COL5A2: variants seen among roughly 807,000 people sequenced by gnomAD.
COL5A2 encodes collagen alpha-2(V) chain.
Under a neutral mutation model 208.2 loss-of-function variants are expected in COL5A2, and 23 were observed. The ratio of observed to expected loss-of-function variants is 0.11; its 90% CI spans 0.08 to 0.16. COL5A2 has a LOEUF of 0.16. Among genes scored for constraint, COL5A2 ranks in the 10% least tolerant of loss-of-function variants. The pLI is 1.00. For synonymous variants in COL5A2, 625 were observed against 628.5 expected (o/e 0.99, Z 0.08); for missense variants, 1,590 against 1,956.4 (o/e 0.81, Z 3.53).
the COL5A2 span, among the ~76,000 whole-genome samples, chr2:189,350,780 A>G: frequency 1.5e-4 from 23 of 152,120 alleles, no homozygotes; most frequent in Non-Finnish European, 2.2e-4. Flanking sequence ...CTGAGAAAAT[A>G]TTATTCACCA....
At chr2:189,245,160 G>C in the COL5A2 span, among the ~76,000 whole-genome samples, 17 of 152,278 alleles carry the variant, frequency 1.1e-4, no homozygotes, top group African/African-American at 3.8e-4. Context: ...ACCATATCAG[G>C]ATTCATGACA....
At chr2:189,293,372 C>T in the COL5A2 span, among the ~76,000 whole-genome samples, 2 of 152,170 alleles carry the variant, frequency 1.3e-5, no homozygotes, top group African/African-American at 4.8e-5. Context: ...GGAGTTGGTA[C>T]ATAAACATCC....
chr2:189,204,335 C>T (rs1689117709), intron 1 of COL5A2, among the ~76,000 whole-genome samples: 1 of 152,244 alleles, frequency 6.6e-6, no homozygotes, highest in Non-Finnish European at 1.5e-5. Flanking sequence ...TCAAGCAGGG[C>T]TTTGCCCAAA....
At chr2:189,395,750 A>G in the COL5A2 span, among the ~76,000 whole-genome samples, 3 of 143,596 alleles carry the variant, frequency 2.1e-5, no homozygotes, top group African/African-American at 8.7e-5. Context: ...TTAAAAATAC[A>G]AAAAAAAATT....
At chr2:189,441,059 A>C in the COL5A2 span, among the ~76,000 whole-genome samples, 1 of 152,102 alleles carries the variant, frequency 6.6e-6, no homozygotes, top group Non-Finnish European at 1.5e-5. Context: ...GACCGAGAAA[A>C]CCAGGGACGC....
the COL5A2 span, among the ~76,000 whole-genome samples, chr2:189,340,129 G>A: frequency 6.6e-6 from 1 of 152,182 alleles, no homozygotes; most frequent in Non-Finnish European, 1.5e-5. Flanking sequence ...TAAGGGGCAA[G>A]ACCTTTTCCC....
chr2:189,248,933 T>C, the COL5A2 span, among the ~76,000 whole-genome samples: 30 of 152,294 alleles, frequency 2.0e-4, no homozygotes, highest in Admixed American at 4.6e-4. Flanking sequence ...TCTTAAGAGA[T>C]AATTCCAATA....
At chr2:189,219,091 C>G (rs1239257747) in intron 1 of COL5A2, among the ~76,000 whole-genome samples, 2 of 152,130 alleles carry the variant, frequency 1.3e-5, no homozygotes, top group Non-Finnish European at 2.9e-5. Flanking sequence ...AAAAAAATTG[C>G]TTGAAAAAGC....
At chr2:189,107,575 AT>A (rs1687176209) in intron 2 of COL5A2, among the ~76,000 whole-genome samples, 2 of 150,928 alleles carry the variant, frequency 1.3e-5, no homozygotes, top group Non-Finnish European at 3.0e-5. Context: ...CTTTCAGTTT[AT>A]TTTGTTGATT....
intron 1 of COL5A2, among the ~76,000 whole-genome samples, chr2:189,127,537 A>C (rs904742962): frequency 7.2e-5 from 11 of 152,104 alleles, no homozygotes; most frequent in African/African-American, 2.6e-4. Context: ...TCACACCAAC[A>C]CTGAAAACTA....
chr2:189,363,456 C>T, the COL5A2 span, among the ~76,000 whole-genome samples: 43 of 151,918 alleles, frequency 2.8e-4, no homozygotes, highest in African/African-American at 1.0e-3. Flanking sequence ...TGGCAAATTA[C>T]TATTATTGCT....
chr2:189,385,676 T>TAG, the COL5A2 span, among the ~76,000 whole-genome samples: 25 of 151,116 alleles, frequency 1.7e-4, no homozygotes, highest in Non-Finnish European at 2.9e-4. Flanking sequence ...GCCAAATCAA[T>TAG]CCTAAGCAAA....
chr2:189,390,114 T>C, the COL5A2 span, among the ~76,000 whole-genome samples: 5 of 150,878 alleles, frequency 3.3e-5, no homozygotes, highest in African/African-American at 4.9e-5. Flanking sequence ...ATCTAGCAAG[T>C]CCAACCTAAA....
At chr2:189,064,170 T>G (rs181570477) in intron 25 of COL5A2, 137 bp from the exon 26 acceptor site, 1 of 714,822 alleles carries the variant, frequency 1.4e-6, no homozygotes, top group African/African-American at 1.8e-5. Context: ...TTTTAAGTGA[T>G]GTATTGTTAA....
At chr2:189,413,240 C>G in the COL5A2 span, among the ~76,000 whole-genome samples, 1 of 152,112 alleles carries the variant, frequency 6.6e-6, no homozygotes, top group African/African-American at 2.4e-5. Flanking sequence ...CAAATTTTTT[C>G]CCATTGTAGA....
chr2:189,298,560 T>C, the COL5A2 span, among the ~76,000 whole-genome samples: 1 of 152,116 alleles, frequency 6.6e-6, no homozygotes, highest in African/African-American at 2.4e-5. Flanking sequence ...ATGGTGGGAG[T>C]GCAGTCTGTC....
At chr2:189,056,875 G>A (rs1276504675) in intron 35 of COL5A2, 98 bp downstream of exon 35, 12 of 1,160,576 alleles carry the variant, frequency 1.0e-5, no homozygotes, top group Non-Finnish European at 1.6e-5. Flanking sequence ...GACTACCAAG[G>A]AAACATGACT....
At chr2:189,050,532 CAT>C in intron 43 of COL5A2, 35 bp downstream of exon 43, 1 of 1,429,344 alleles carries the variant, frequency 7.0e-7, no homozygotes, top group Non-Finnish European at 9.7e-7. Context: ...TTGTATTGCA[CAT>C]ATGAGATAAA....
At chr2:189,237,781 A>T in the COL5A2 span, among the ~76,000 whole-genome samples, 1 of 151,892 alleles carries the variant, frequency 6.6e-6, no homozygotes, top group Non-Finnish European at 1.5e-5. Flanking sequence ...TGTTCATAGA[A>T]ATTTATGAAA....
Sources: gnomAD v4.1 joint callset for allele counts (sites outside exome capture counted in the v4.1 genomes callset) on GRCh38, gnomAD v4.1.1 for gene constraint, MANE v1.5 for transcripts, NCBI Gene and HGNC (gene_info 2026-07-23, HGNC 2026-07-21) for gene names.